NPAS3: variants seen among roughly 807,000 people sequenced by gnomAD.
The protein encoded by NPAS3 is neuronal PAS domain-containing protein 3.
A neutral mutation model predicts 73.1 loss-of-function variants in NPAS3; 14 were observed. That is an observed-to-expected ratio of 0.19 (90% CI 0.13 to 0.30). The LOEUF is 0.30. NPAS3 is among the 10% of genes least tolerant of loss of function. The pLI is 1.00. For synonymous variants in NPAS3, 620 were observed against 541.5 expected (o/e 1.14, Z -2.01); for missense variants, 1,096 against 1,250.0 (o/e 0.88, Z 1.86).
At chr14:32,967,819 C>T (rs1431620815) in intron 1 of NPAS3, among the ~76,000 whole-genome samples, 1 of 151,716 alleles carries the variant, frequency 6.6e-6, no homozygotes, top group Non-Finnish European at 1.5e-5. Flanking sequence ...TATGATCCAA[C>T]AATTCTAGTT....
intron 2 of NPAS3, among the ~76,000 whole-genome samples, chr14:33,134,307 G>T (rs1279655433): frequency 6.6e-6 from 1 of 151,474 alleles, no homozygotes; most frequent in East Asian, 1.9e-4. Flanking sequence ...GAATGCAGTT[G>T]CTACTGCTTC....
intron 1 of NPAS3, among the ~76,000 whole-genome samples, chr14:32,980,968 CAT>C (rs1219248135): frequency 4.6e-5 from 7 of 152,212 alleles, no homozygotes; most frequent in African/African-American, 1.7e-4. Flanking sequence ...CACACACACA[CAT>C]ATATCTTTCA....
intron 2 of NPAS3, among the ~76,000 whole-genome samples, chr14:33,077,774 G>GTTTTTTTTTTTTTTTTTTTTT (rs3057435): frequency 4.6e-5 from 4 of 87,482 alleles, no homozygotes; most frequent in South Asian, 5.1e-4. Flanking sequence ...TGCAGTAAGG[G>GTTTTTTTTTTTTTTTTTTTTT]TTTTTTTTTT....
At chr14:33,413,831 T>C (rs552031369) in intron 4 of NPAS3, among the ~76,000 whole-genome samples, 81 of 152,312 alleles carry the variant, frequency 5.3e-4, no homozygotes, top group African/African-American at 1.9e-3. Flanking sequence ...CCTAATCAAA[T>C]CTGGGATCTT....
intron 1 of NPAS3, among the ~76,000 whole-genome samples, chr14:32,972,450 A>ACACACACATGCACATG (rs2037475307): frequency 6.6e-6 from 1 of 152,250 alleles, no homozygotes; most frequent in African/African-American, 2.4e-5. Context: ...AATATAAAAT[A>ACACACACATGCACATG]CACACACATG....
intron 4 of NPAS3, among the ~76,000 whole-genome samples, chr14:33,482,037 A>G (rs2051351680): frequency 6.6e-6 from 1 of 151,430 alleles, no homozygotes; most frequent in Admixed American, 6.6e-5. Context: ...TGGAAAATTC[A>G]TGAACTCAGA....
At chr14:33,586,033 G>A (rs567862281) in intron 5 of NPAS3, 20 of 152,080 alleles carry the variant, frequency 1.3e-4, no homozygotes, top group Admixed American at 1.3e-3. Context: ...TTAGAATCGG[G>A]TGAGTGGTTA....
chr14:33,578,327 G>A (rs1231264487), intron 5 of NPAS3: 3 of 426,718 alleles, frequency 7.0e-6, no homozygotes, highest in African/African-American at 6.2e-5. Flanking sequence ...CTGAGTAGCT[G>A]GAATTACAGG....
At chr14:33,158,585 G>C (rs1041056298) in intron 2 of NPAS3, among the ~76,000 whole-genome samples, 1 of 152,152 alleles carries the variant, frequency 6.6e-6, no homozygotes. Context: ...ATAATTGGGA[G>C]TTCTAAGGTA....
In NPAS3 at chr14:33,497,232, G is replaced by A. The variant is rs530292608; in HGVS notation, c.469-62889G>A. On this transcript the variant is annotated intron_variant, in intron 4 of 11. Coordinates refer to ENST00000356141, the Ensembl canonical transcript of NPAS3. ...ACAAATGGAAAAACATTCCATGCTCGTGGATAGGAAGAATCAATATCATGA... is the reference window on the plus strand; with the variant it reads ...ACAAATGGAAAAACATTCCATGCTCATGGATAGGAAGAATCAATATCATGA... Among the ~76,000 whole-genome samples, 53 of 152,054 alleles carry A rather than the reference G, an allele frequency of 3.5e-4. 1 individual carries two copies. The South Asian group carries it at 0.01, about 29-fold the overall frequency.
chr14:33,150,543 C>T (rs767303043), intron 2 of NPAS3, among the ~76,000 whole-genome samples: 9 of 152,198 alleles, frequency 5.9e-5, no homozygotes, highest in Non-Finnish European at 1.0e-4. Context: ...GTTTCCTTTG[C>T]ATTTCAGTGT....
At chr14:33,059,340 C>A (rs924155966) in intron 2 of NPAS3, among the ~76,000 whole-genome samples, 7 of 152,092 alleles carry the variant, frequency 4.6e-5, no homozygotes, top group Admixed American at 4.6e-4. Flanking sequence ...AATATAAAAC[C>A]TGTGATTATT....
intron 4 of NPAS3, among the ~76,000 whole-genome samples, chr14:33,505,224 A>G (rs1318409931): frequency 6.6e-6 from 1 of 152,050 alleles, no homozygotes; most frequent in Non-Finnish European, 1.5e-5. Flanking sequence ...TTAACAGCTA[A>G]GAACTTATCT....
intron 7 of NPAS3, among the ~76,000 whole-genome samples, chr14:33,749,410 G>C (rs2061895347): frequency 6.6e-6 from 1 of 152,164 alleles, no homozygotes; most frequent in South Asian, 2.1e-4. Context: ...AACCTGCCTA[G>C]AATAGCCCCA....
At chr14:33,394,019 A>C (rs2138648376) in intron 4 of NPAS3, among the ~76,000 whole-genome samples, 1 of 152,340 alleles carries the variant, frequency 6.6e-6, no homozygotes, top group South Asian at 2.1e-4. Flanking sequence ...TGCAGTCAAT[A>C]GCAAGGCTTG....
At chr14:33,751,169 G>A (rs1773801113) in intron 7 of NPAS3, among the ~76,000 whole-genome samples, 1 of 152,218 alleles carries the variant, frequency 6.6e-6, no homozygotes, top group Non-Finnish European at 1.5e-5. Context: ...CAAGGATGAA[G>A]ATTAAGAGTG....
Position 32,954,811 on chromosome 14 carries a change from A to G in NPAS3, c.50+15445A>G, listed in dbSNP as rs537999094. 1.6e-4 allele frequency among the ~76,000 whole-genome samples: 24 copies of G among 152,288 alleles called. No homozygotes were observed. In the South Asian group the frequency reaches 4.6e-3, roughly 29 times the overall value. On this transcript the variant is annotated intron_variant, in intron 1 of 11. Transcript: ENST00000356141. ...CCATAGTAACTGTCCTGTAAAGCTA[A>G]TGATTGCAATTATAACATAAATAGG...
intron 1 of NPAS3, among the ~76,000 whole-genome samples, chr14:32,983,625 T>C (rs536497747): frequency 9.9e-5 from 15 of 152,150 alleles, no homozygotes; most frequent in Admixed American, 3.9e-4. Flanking sequence ...GTGTGATTTG[T>C]GTGGTTTCCC....
At chr14:33,075,206 G>A (rs778539287) in intron 2 of NPAS3, among the ~76,000 whole-genome samples, 2 of 152,104 alleles carry the variant, frequency 1.3e-5, no homozygotes, top group South Asian at 2.1e-4. Flanking sequence ...AATAATGTTT[G>A]ATTTCTTAAA....
Sources: gnomAD v4.1 joint callset for allele counts (sites outside exome capture counted in the v4.1 genomes callset) on GRCh38, gnomAD v4.1.1 for gene constraint, MANE v1.5 for transcripts, NCBI Gene and HGNC (gene_info 2026-07-23, HGNC 2026-07-21) for gene names.